The following VSTM5 variants were observed in gnomAD, a reference collection of about 807,000 sequenced individuals.
VSTM5 encodes V-set and transmembrane domain-containing protein 5.
VSTM5 carries 21 observed loss-of-function variants against 20.3 expected under a neutral mutation model. The observed-to-expected ratio is 1.03, with a 90% CI of 0.73 to 1.49. VSTM5 has a LOEUF of 1.49. Ranked by LOEUF, VSTM5 falls within the 40% of genes most tolerant of loss-of-function variation. The pLI, the probability that VSTM5 is intolerant of heterozygous loss-of-function variation, is 0.00. For synonymous variants in VSTM5, 100 were observed against 102.5 expected, an observed-to-expected ratio of 0.98 and a Z score of 0.14; for missense variants, 219 against 250.0, an observed-to-expected ratio of 0.88 and a Z score of 0.84.
chr11:93,832,241 C>T (rs1944288831), intron 1 of VSTM5, among the ~76,000 whole-genome samples: 2 of 151,980 alleles, frequency 1.3e-5, no homozygotes, highest in Admixed American at 6.6e-5. Context: ...AAGAATGAGG[C>T]AAATCTATAT....
intron 1 of VSTM5, among the ~76,000 whole-genome samples, chr11:93,824,813 GT>G (rs1237474790): frequency 6.6e-6 from 1 of 152,146 alleles, no homozygotes; most frequent in African/African-American, 2.4e-5. Flanking sequence ...TTACATTTAA[GT>G]GTTTAATCCA....
intron 1 of VSTM5, among the ~76,000 whole-genome samples, chr11:93,841,438 C>A (rs1944369101): frequency 6.6e-6 from 1 of 152,230 alleles, no homozygotes; most frequent in Admixed American, 6.5e-5. Context: ...ACAACTCACT[C>A]AAGGCTTTCC....
At chr11:93,824,108 A>G (rs1245559809) in intron 1 of VSTM5, among the ~76,000 whole-genome samples, 1 of 152,038 alleles carries the variant, frequency 6.6e-6, no homozygotes, top group Non-Finnish European at 1.5e-5. Context: ...GGGTTTCACC[A>G]TGTTGGTCAG....
At chr11:93,828,918 T>A (rs1042184605) in intron 1 of VSTM5, among the ~76,000 whole-genome samples, 1 of 152,126 alleles carries the variant, frequency 6.6e-6, no homozygotes, top group Admixed American at 6.5e-5. Context: ...AGACACCTGA[T>A]GTGGGCAGGA....
At position 93,820,525 on chromosome 11, in the gene VSTM5, A is replaced by G; in HGVS notation, c.*44T>C. ...CTGTGCTTGCTCTTTTTGTTGGAGA[A>G]TGGTTTCCTCTTGAGGTAGGAATGC... On this transcript the variant is annotated 3_prime_UTR_variant, in exon 4 of 4. Transcript: ENST00000409977. 2 of 1,549,546 alleles carry G rather than the reference A, an allele frequency of 1.3e-6. No individual in the cohort carries two copies. Among genetic ancestry groups the G allele is most frequent in the Non-Finnish European group, 1.7e-6 (2 of 1,145,352 alleles).
intron 1 of VSTM5, among the ~76,000 whole-genome samples, chr11:93,825,761 T>C (rs1300806628): frequency 6.6e-6 from 1 of 151,750 alleles, no homozygotes; most frequent in Non-Finnish European, 1.5e-5. Flanking sequence ...TTTTCTTTTC[T>C]TTTTTCTTTT....
In VSTM5 at chr11:93,818,532, G is replaced by GTT. The variant is rs767390634; in HGVS notation, c.*2036_*2037insAA. 1 of 143,846 alleles carries GTT rather than the reference G, an allele frequency of 7.0e-6. No individual in the cohort carries two copies. The highest frequency in any genetic ancestry group is 2.5e-4 in the South Asian group (1 of 4,060). 8.9% of individuals were successfully genotyped at this position (143,846 alleles called of 1,614,324 possible). ...TGTGAATAAACTGTCATGAGATTTG[G>GTT]GCGGGGGGGCAATTTAATTGACATC... On this transcript the variant is annotated 3_prime_UTR_variant, in exon 4 of 4. Transcript: ENST00000409977.
intron 1 of VSTM5, among the ~76,000 whole-genome samples, chr11:93,822,941 G>C (rs532996139): frequency 1.4e-4 from 22 of 152,086 alleles, no homozygotes; most frequent in Non-Finnish European, 2.4e-4. Context: ...TAACTTCTGC[G>C]CATTTCATAT....
intron 1 of VSTM5, among the ~76,000 whole-genome samples, chr11:93,834,770 G>C (rs186281762): frequency 7.7e-6 from 1 of 129,466 alleles, no homozygotes; most frequent in East Asian, 2.3e-4. Flanking sequence ...GCGACAGAGT[G>C]AGACTCCGTC....
intron 1 of VSTM5, among the ~76,000 whole-genome samples, chr11:93,834,589 C>T (rs61906578): frequency 0.49 from 24,619 of 50,318 alleles, 2,309 homozygotes; most frequent in East Asian, 0.54. Flanking sequence ...CTAACTTGGC[C>T]AACATGGCAC....
Position 93,821,491 on chromosome 11 carries a change from C to G in VSTM5, c.92-168G>C, listed in dbSNP as rs141743955. On this transcript the variant is annotated intron_variant, in intron 1 of 3. Coordinates refer to ENST00000409977, the MANE Select transcript of VSTM5 (RefSeq NM_001144871.2). The stretch of plus-strand genomic sequence containing the variant: ...CGATAATGCTGAACAAGACACAAGG[C>G]TCCCTGGAGATAGAGCTCTCTACAC... 3.4e-4 allele frequency: 223 copies of G among 663,028 alleles called. No individual in the cohort carries two copies. The East Asian group carries it at 5.3e-3, about 16-fold the overall frequency. 41.1% of individuals were successfully genotyped at this position (663,028 alleles called of 1,614,324 possible).
chr11:93,840,538 G>C (rs1194912743), intron 1 of VSTM5, among the ~76,000 whole-genome samples: 1 of 152,342 alleles, frequency 6.6e-6, no homozygotes, highest in Middle Eastern at 3.4e-3. Flanking sequence ...CTTTCAGGAA[G>C]ACAGTTGGGG....
chr11:93,819,373 C>T lies in VSTM5; in HGVS notation c.*1196G>A, dbSNP rs1259509450. ...GAAACTTACAGGTGAACATGGTGAC[C>T]AACAACCTGAGGGAATAATGGCCAA... On this transcript the variant is annotated 3_prime_UTR_variant, in exon 4 of 4. Transcript: ENST00000409977. 6.6e-6 allele frequency: 1 copy of T among 152,180 alleles called. No homozygotes were observed. Among genetic ancestry groups the T allele is most frequent in the Non-Finnish European group, 1.5e-5 (1 of 68,038 alleles). 9.4% of individuals were successfully genotyped at this position (152,180 alleles called of 1,614,324 possible). A position where few individuals can be genotyped will look rare whatever the true frequency, so the allele number is the denominator to read the frequency against.
chr11:93,830,984 CT>C (rs1944278830), intron 1 of VSTM5, among the ~76,000 whole-genome samples: 1 of 151,984 alleles, frequency 6.6e-6, no homozygotes, highest in Non-Finnish European at 1.5e-5. Context: ...TCTTGAACTC[CT>C]GAGCTCAAAG....
At chr11:93,825,219 G>A (rs562296942) in intron 1 of VSTM5, among the ~76,000 whole-genome samples, 2 of 152,304 alleles carry the variant, frequency 1.3e-5, no homozygotes, top group African/African-American at 2.4e-5. Context: ...CTAGGCTGGA[G>A]TGCAGTGGTG....
At chr11:93,850,305 C>A in intron 1 of VSTM5, 107 bp downstream of exon 1, 1 of 944,696 alleles carries the variant, frequency 1.1e-6, no homozygotes, top group Non-Finnish European at 1.5e-6. Flanking sequence ...CTCAGCCGGA[C>A]AAGGTGGGCG....
At chr11:93,825,651 G>A (rs1293960913) in intron 1 of VSTM5, among the ~76,000 whole-genome samples, 1 of 151,748 alleles carries the variant, frequency 6.6e-6, no homozygotes, top group Non-Finnish European at 1.5e-5. Flanking sequence ...ACAGTTTTCA[G>A]TATATAGACT....
chr11:93,850,180 C>A (rs1047259048), intron 1 of VSTM5, among the ~76,000 whole-genome samples: 2 of 152,056 alleles, frequency 1.3e-5, no homozygotes, highest in Non-Finnish European at 2.9e-5. Context: ...GCGCCGCGGC[C>A]GGTAGCCTCT....
intron 1 of VSTM5, among the ~76,000 whole-genome samples, chr11:93,842,380 C>T (rs760563874): frequency 6.6e-6 from 1 of 152,176 alleles, no homozygotes; most frequent in Non-Finnish European, 1.5e-5. Context: ...GACTGGGCGA[C>T]CTGAAATTCT....
Sources: allele counts gnomAD v4.1 joint callset (sites outside exome capture counted in the v4.1 genomes callset), GRCh38; gene constraint gnomAD v4.1.1; transcripts MANE v1.5; gene names NCBI Gene and HGNC (gene_info 2026-07-23, HGNC 2026-07-21).